The following PRRT1B variants were observed in gnomAD, a reference collection of about 807,000 sequenced individuals.
PRRT1B encodes the protein dispanin subfamily D member 2.
intron 1 of PRRT1B, among the ~76,000 whole-genome samples, chr9:131,549,368 A>C (rs1257646567): frequency 6.6e-6 from 1 of 152,194 alleles, no homozygotes; most frequent in East Asian, 1.9e-4. Flanking sequence ...CGAGTGTTGG[A>C]AATCTGGCCA....
In PRRT1B at chr9:131,558,040, T is replaced by C. The variant is rs1033354842; in HGVS notation, c.643-13T>C. On this transcript the variant is annotated splice_polypyrimidine_tract_variant and intron_variant, in intron 3 of 3. Transcript: ENST00000636672. The stretch of plus-strand genomic sequence containing the variant: ...TCGCTCCCACCGCCCCCTCCTGCCC[T>C]GTCTCGTTGCAGGCCCGTGCAGCAC... 7 of 399,100 alleles carry C rather than the reference T, an allele frequency of 1.8e-5. No individual in the cohort carries two copies. Among genetic ancestry groups the C allele is most frequent in the Non-Finnish European group, 3.1e-5 (7 of 226,158 alleles). The allele number at this position is 399,100 out of a possible 1,614,324, so 24.7% of individuals were successfully genotyped here.
At chr9:131,552,899 T>C (rs1367062398) in intron 1 of PRRT1B, among the ~76,000 whole-genome samples, 7 of 147,638 alleles carry the variant, frequency 4.7e-5, no homozygotes, top group Non-Finnish European at 1.5e-5. Context: ...TTGCCCTGGG[T>C]GGTCTCGAAC....
In PRRT1B at chr9:131,558,049, G is replaced by A. The variant is rs1951061838; in HGVS notation, c.643-4G>A. 2.5e-6 allele frequency: 1 copy of A among 399,436 alleles called. No individual in the cohort carries two copies. The highest frequency in any genetic ancestry group is 2.1e-5 in the African/African-American group (1 of 48,772). The allele number at this position is 399,436 out of a possible 1,614,324, so 24.7% of individuals were successfully genotyped here. A position where few individuals can be genotyped will look rare whatever the true frequency, so the allele number is the denominator to read the frequency against. On this transcript the variant is annotated splice_polypyrimidine_tract_variant and splice_region_variant and intron_variant, in intron 3 of 3. Transcript: ENST00000636672. Reference sequence around the variant, plus strand: ...CCGCCCCCTCCTGCCCTGTCTCGTTGCAGGCCCGTGCAGCACTGGGCAGGG... The same window carrying A: ...CCGCCCCCTCCTGCCCTGTCTCGTTACAGGCCCGTGCAGCACTGGGCAGGG...
intron 1 of PRRT1B, among the ~76,000 whole-genome samples, chr9:131,546,983 G>A (rs557891524): frequency 7.9e-5 from 12 of 151,546 alleles, no homozygotes; most frequent in African/African-American, 2.9e-4. Context: ...AGTAAAATGG[G>A]GAGCATAAAA....
At chr9:131,552,665 C>T (rs1277735211) in intron 1 of PRRT1B, among the ~76,000 whole-genome samples, 2 of 144,648 alleles carry the variant, frequency 1.4e-5, no homozygotes, top group African/African-American at 5.0e-5. Context: ...GGGGGGGAGC[C>T]CAACCTCTAA....
At chr9:131,545,827 G>T (rs1420603490) in intron 1 of PRRT1B, among the ~76,000 whole-genome samples, 187 bp downstream of exon 1, 5 of 151,886 alleles carry the variant, frequency 3.3e-5, no homozygotes, top group Non-Finnish European at 5.9e-5. Flanking sequence ...TGCTGGAGGG[G>T]CAGGTGCTGG....
In PRRT1B at chr9:131,551,815, C is replaced by CT. The variant is rs1951014296; in HGVS notation, c.26-2742_26-2741insT. ...TACCTACGCAAATCCTATAAGACGG[C>CT]CCACCCCATCTCCCTTCGCTGACTC... On this transcript the variant is annotated intron_variant, in intron 1 of 3. Transcript: ENST00000636672. This position sits in a 1 kb window ranked among gnomAD's most constrained non-coding sequence, Gnocchi z 4.4. Among the ~76,000 whole-genome samples the CT allele has an allele frequency of 2.3e-5, 1 of 43,468 alleles. No homozygotes were observed. Among genetic ancestry groups the CT allele is most frequent in the South Asian group, 5.5e-4 (1 of 1,804 alleles). 28.5% of individuals were successfully genotyped at this position (43,468 alleles called of 152,430 possible).
chr9:131,554,908 C>A (rs989957753), exon 2 of PRRT1B: 11 of 385,140 alleles, frequency 2.9e-5, no homozygotes, highest in African/African-American at 2.3e-4. Context: ...CCGCAGGTGC[C>A]CGTGGTCCTG....
chr9:131,545,753 C>T (rs1330990998), intron 1 of PRRT1B, 113 bp downstream of exon 1: 3 of 340,154 alleles, frequency 8.8e-6, no homozygotes, highest in Non-Finnish European at 1.5e-5. Flanking sequence ...CAGGTGCTGG[C>T]GGGGCAGGTG....
chr9:131,554,648 C>G (rs1951034785), exon 2 of PRRT1B: 1 of 392,650 alleles, frequency 2.5e-6, no homozygotes, highest in East Asian at 3.6e-5. Flanking sequence ...CCCAGATGCC[C>G]GCGCAGCCCG....
At chr9:131,554,719 A>ACGGGGCCGCGGGGGGCAG (rs1406567954) in exon 2 of PRRT1B, 1 of 344,710 alleles carries the variant, frequency 2.9e-6, no homozygotes, top group Non-Finnish European at 5.2e-6. Flanking sequence ...CCCAGCGAGG[A>ACGGGGCCGCGGGGGGCAG]CGGGGCCGCG....
downstream of PRRT1B, chr9:131,558,762 C>T (rs979004062): frequency 1.3e-5 from 2 of 152,464 alleles, no homozygotes; most frequent in Non-Finnish European, 2.9e-5. Context: ...CATGCTGACC[C>T]TACATCCAGA....
chr9:131,555,704 A>G (rs1951044486), intron 2 of PRRT1B, among the ~76,000 whole-genome samples: 2 of 152,050 alleles, frequency 1.3e-5, no homozygotes, highest in Admixed American at 6.6e-5. Context: ...AAAAATAAAA[A>G]TAAAAATAAA....
exon 2 of PRRT1B, chr9:131,555,026 C>A: frequency 2.5e-6 from 1 of 392,200 alleles, no homozygotes; most frequent in Non-Finnish European, 4.5e-6. Context: ...TCCCCTTCCC[C>A]GTGGTGAGTG....
At chr9:131,547,482 G>C (rs4740269) in intron 1 of PRRT1B, among the ~76,000 whole-genome samples, 13,779 of 151,940 alleles carry the variant, frequency 0.091, 777 homozygotes, top group Admixed American at 0.14. Flanking sequence ...CTTTACCTAC[G>C]CAAATCCTAT....
intron 1 of PRRT1B, among the ~76,000 whole-genome samples, chr9:131,552,137 C>T (rs1295976392): frequency 6.6e-6 from 1 of 152,178 alleles, no homozygotes; most frequent in Non-Finnish European, 1.5e-5. Flanking sequence ...TTTATCTTCA[C>T]TTTACAGATG....
Position 131,549,093 on chromosome 9 carries a change from T to G in PRRT1B, c.25+3453T>G, listed in dbSNP as rs144713781. On this transcript the variant is annotated intron_variant, in intron 1 of 3. Transcript: ENST00000636672. ...CATCTTATTCTCAATATACATTTTA[T>G]TACCCAATCCGCTCCCGACATTAAA... Among the ~76,000 whole-genome samples the G allele has an allele frequency of 5.2e-3, 799 of 152,254 alleles. 29 individuals carry two copies. The East Asian group carries it at 0.089, about 17-fold the overall frequency.
intron 1 of PRRT1B, among the ~76,000 whole-genome samples, chr9:131,552,588 A>C (rs1951018585): frequency 6.6e-6 from 1 of 152,026 alleles, no homozygotes; most frequent in Non-Finnish European, 1.5e-5. Context: ...TGGCATTTCC[A>C]AACTTGGGTC....
intron 1 of PRRT1B, among the ~76,000 whole-genome samples, chr9:131,546,780 C>T (rs1260405812): frequency 6.6e-6 from 1 of 152,162 alleles, no homozygotes; most frequent in Non-Finnish European, 1.5e-5. Context: ...GCAGCGCCGC[C>T]AGCAGATTTA....
Sources: gnomAD v4.1 joint callset for allele counts (sites outside exome capture counted in the v4.1 genomes callset) on GRCh38, gnomAD v4.1.1 for gene constraint, Gnocchi (gnomAD v3.1) non-coding constraint, MANE v1.5 for transcripts, NCBI Gene and HGNC (gene_info 2026-07-23, HGNC 2026-07-21) for gene names.